DOCK10: variants seen among roughly 807,000 people sequenced by gnomAD.
The protein encoded by DOCK10 is dedicator of cytokinesis 10.
In DOCK10, 145 loss-of-function variants were observed where a neutral mutation model predicts 280.1. The observed-to-expected ratio is 0.52, with a 90% confidence interval of 0.45 to 0.59. DOCK10 has a LOEUF of 0.59. Among genes scored for constraint, DOCK10 ranks in the 20% least tolerant of loss-of-function variants. The probability of loss-of-function intolerance (pLI) is 0.00; values close to 1 mark genes in which losing one functional copy is unlikely to be tolerated. For missense variants in DOCK10, 2,368 were observed against 2,651.7 expected, an observed-to-expected ratio of 0.89 and a Z score of 2.35; for synonymous variants, 915 against 942.2, an observed-to-expected ratio of 0.97 and a Z score of 0.53.
intron 26 of DOCK10, among the ~76,000 whole-genome samples, chr2:224,831,321 T>G (rs1695215831): frequency 6.6e-6 from 1 of 152,232 alleles, no homozygotes; most frequent in Non-Finnish European, 1.5e-5. Flanking sequence ...TATGTCTAGA[T>G]ATCTAGAAGT....
chr2:224,800,216 T>G lies in DOCK10; in HGVS notation c.4441A>C (p.Asn1481His). 6.2e-7 allele frequency: 1 copy of G among 1,612,448 alleles called. No homozygotes were observed. Among genetic ancestry groups the G allele is most frequent in the Non-Finnish European group, 8.5e-7 (1 of 1,179,044 alleles). The change falls in exon 41 of 56, where the codon AAT becomes CAT. Residue 1481 changes from asparagine (N) to histidine (H), a missense_variant. Around this residue, in one of 2 missense-constraint regions of DOCK10, gnomAD observed 1,159 missense variants for 1,400.8 expected, o/e 0.83. Transcript: ENST00000258390. ...DIVHHVDTEA[N>H]IATEVCLTIL... is the part of the protein sequence containing the mutation. Reference sequence around the variant, plus strand: ...GTGAGGCAAACCTCCGTAGCTATATTGGCCTCAGTGTCTACATGATGCACG... The same window carrying G: ...GTGAGGCAAACCTCCGTAGCTATATGGGCCTCAGTGTCTACATGATGCACG...
At chr2:224,958,384 T>C (rs1002453096) in intron 1 of DOCK10, among the ~76,000 whole-genome samples, 1 of 152,050 alleles carries the variant, frequency 6.6e-6, no homozygotes, top group Non-Finnish European at 1.5e-5. Flanking sequence ...AAAGTGGCAG[T>C]GAAAGGAATA....
At chr2:224,806,463 A>G (rs1693403005) in intron 33 of DOCK10, among the ~76,000 whole-genome samples, 1 of 152,192 alleles carries the variant, frequency 6.6e-6, no homozygotes, top group South Asian at 2.1e-4. Context: ...TGTAGAAACA[A>G]TCTTTTAGAT....
intron 22 of DOCK10, among the ~76,000 whole-genome samples, chr2:224,843,923 C>G (rs1423838319): frequency 2.0e-5 from 3 of 152,066 alleles, no homozygotes; most frequent in Non-Finnish European, 4.4e-5. Context: ...CCTTAGGTAG[C>G]AGAGACTCTG....
At chr2:224,833,291 T>C (rs1695360543) in intron 26 of DOCK10, among the ~76,000 whole-genome samples, 1 of 152,212 alleles carries the variant, frequency 6.6e-6, no homozygotes, top group South Asian at 2.1e-4. Context: ...AAGCCTCCAG[T>C]GGCTTCCATG....
rs1695982870 is a variant in DOCK10 at position 224,841,829 on chromosome 2, G to A, written c.2636C>T (p.Thr879Ile). ...CTTACAAGAGCGGATGAAATTTGAG[G>A]TAGGTGACTGAGACATATCTTTCTC... ...KREKDMSQSP[T>I]SNFIRSCKNL... Residue 879 changes from threonine (T) to isoleucine (I), a missense_variant, in exon 23 of 56, where the codon ACC (threonine) becomes ATC (isoleucine). Thr to Ile is a moderately conservative substitution (Grantham distance 89). This residue lies in a region of DOCK10 where 1,209 missense variants were observed against 1,250.9 expected (regional missense o/e 0.97). Coordinates refer to ENST00000258390, the MANE Select transcript of DOCK10 (RefSeq NM_014689.3). 1.9e-6 allele frequency: 3 copies of A among 1,612,738 alleles called. No individual in the cohort carries two copies. Among genetic ancestry groups the A allele is most frequent in the Non-Finnish European group, 1.7e-6 (2 of 1,178,880 alleles).
intron 1 of DOCK10, among the ~76,000 whole-genome samples, chr2:225,023,837 A>C (rs906224896): frequency 1.3e-5 from 2 of 152,258 alleles, no homozygotes; most frequent in Non-Finnish European, 2.9e-5. Context: ...AGATGCTAAC[A>C]TTAATAGCAA....
intron 11 of DOCK10, 65 bp from the exon 12 acceptor site, chr2:224,865,152 A>G (rs1697821088): frequency 1.4e-6 from 2 of 1,467,258 alleles, no homozygotes; most frequent in Admixed American, 3.5e-5. Flanking sequence ...CAGCCTCGTT[A>G]GTACATCATT....
intron 2 of DOCK10, among the ~76,000 whole-genome samples, chr2:224,919,422 T>C (rs1336314176): frequency 1.3e-5 from 2 of 151,016 alleles, no homozygotes; most frequent in African/African-American, 4.9e-5. Context: ...GTAGAGTGTG[T>C]CTGCATGTGT....
chr2:224,823,743 T>A (rs534105347), intron 27 of DOCK10, 96 bp from the exon 28 acceptor site: 2 of 1,189,180 alleles, frequency 1.7e-6, no homozygotes, highest in Non-Finnish European at 2.3e-6. Flanking sequence ...TTATAGGTCA[T>A]TAAAGAAAAA....
intron 1 of DOCK10, among the ~76,000 whole-genome samples, chr2:225,026,729 G>A (rs1048080901): frequency 1.3e-5 from 2 of 152,150 alleles, no homozygotes; most frequent in African/African-American, 2.4e-5. Context: ...GCTCAGAGAT[G>A]TGTGAAAGGG....
At chr2:224,932,473 G>A (rs758198394) in intron 1 of DOCK10, among the ~76,000 whole-genome samples, 22 of 152,102 alleles carry the variant, frequency 1.4e-4, no homozygotes, top group African/African-American at 4.8e-4. Context: ...ACCCTCCCTC[G>A]CCGCAAAACA....
chr2:224,909,655 G>A (rs1443958531), intron 3 of DOCK10, among the ~76,000 whole-genome samples: 2 of 152,056 alleles, frequency 1.3e-5, no homozygotes, highest in Non-Finnish European at 2.9e-5. Context: ...GTGTGAACTT[G>A]GGCGAGTTCA....
At chr2:224,971,773 C>G (rs747047648) in intron 1 of DOCK10, among the ~76,000 whole-genome samples, 5 of 151,880 alleles carry the variant, frequency 3.3e-5, no homozygotes, top group Non-Finnish European at 5.9e-5. Flanking sequence ...AATCTGAATA[C>G]TGAACAAATA....
intron 4 of DOCK10, chr2:224,893,646 A>T (rs1268066573): frequency 2.2e-6 from 1 of 458,080 alleles, no homozygotes; most frequent in Non-Finnish European, 4.5e-6. Context: ...CTTCCTATGG[A>T]CCCTCGCTTA....
intron 3 of DOCK10, among the ~76,000 whole-genome samples, chr2:224,916,404 G>A (rs1701315307): frequency 1.3e-5 from 2 of 152,154 alleles, no homozygotes; most frequent in South Asian, 2.1e-4. Flanking sequence ...AGCCAGGTGT[G>A]ATGGCGTGTG....
chr2:224,910,831 C>G (rs1260111545), intron 3 of DOCK10, among the ~76,000 whole-genome samples: 1 of 152,172 alleles, frequency 6.6e-6, no homozygotes. Flanking sequence ...TCTTCCCATC[C>G]TATGAAGCAC....
intron 47 of DOCK10, among the ~76,000 whole-genome samples, chr2:224,792,651 A>C (rs1040214956): frequency 6.6e-5 from 10 of 152,228 alleles, no homozygotes; most frequent in African/African-American, 2.4e-4. Flanking sequence ...TTGCAATTTC[A>C]AACAATTTAC....
At chr2:224,897,217 C>T (rs1700037151) in intron 3 of DOCK10, among the ~76,000 whole-genome samples, 1 of 152,162 alleles carries the variant, frequency 6.6e-6, no homozygotes. Flanking sequence ...TTCTAAGGCA[C>T]AGTCTTTCTC....
Sources: allele counts gnomAD v4.1 joint callset (sites outside exome capture counted in the v4.1 genomes callset), GRCh38; gene constraint gnomAD v4.1.1; regional missense constraint gnomAD v4.1.1; transcripts MANE v1.5; gene names NCBI Gene and HGNC (gene_info 2026-07-23, HGNC 2026-07-21).